GASK1B: variants seen among roughly 807,000 people sequenced by gnomAD.
GASK1B encodes the protein Golgi-associated kinase 1B.
A neutral mutation model predicts 42.8 loss-of-function variants in GASK1B; 34 were observed. The ratio of observed to expected loss-of-function variants is 0.79; its 90% CI spans 0.60 to 1.06. GASK1B has a LOEUF of 1.06. GASK1B is among the 50% of genes least tolerant of loss of function. The pLI is 0.00. For missense variants in GASK1B, 686 were observed against 661.0 expected, an observed-to-expected ratio of 1.04 and a Z score of -0.42; for synonymous variants, 262 against 259.1, an observed-to-expected ratio of 1.01 and a Z score of -0.11.
At position 158,171,313 on chromosome 4, in the gene GASK1B, C is replaced by T. The variant is rs769694090; in HGVS notation, c.63G>A (p.Pro21=). 4 of 1,612,678 alleles carry T rather than the reference C, an allele frequency of 2.5e-6. No individual in the cohort carries two copies. The highest frequency in any genetic ancestry group is 2.2e-5 in the South Asian group (2 of 90,884). ...GGCTGCTCCAGAGCTTACGCACCCG[C>T]GGGACGCACAGGGAGCAGATGAACC... ...INWFICSLCV[P]RVRKLWSSRR... is the part of the protein sequence containing the mutation. Residue 21 remains proline (P), a synonymous_variant, in exon 2 of 5, where the codon CCG becomes CCA. Coordinates refer to ENST00000585682, the MANE Select transcript of GASK1B (RefSeq NM_001128424.2).
intron 3 of GASK1B, among the ~76,000 whole-genome samples, chr4:158,136,049 T>C (rs999884807): frequency 6.6e-6 from 1 of 152,192 alleles, no homozygotes; most frequent in Non-Finnish European, 1.5e-5. Context: ...CAGGCAAAAT[T>C]ATTCTATCAA....
At chr4:158,139,785 C>T (rs1379720642) in intron 3 of GASK1B, among the ~76,000 whole-genome samples, 1 of 152,112 alleles carries the variant, frequency 6.6e-6, no homozygotes, top group African/African-American at 2.4e-5. Flanking sequence ...ATTGTTCTTT[C>T]AAGTTAAAAT....
chr4:158,158,030 A>AT (rs952736786), intron 2 of GASK1B, among the ~76,000 whole-genome samples: 55 of 152,026 alleles, frequency 3.6e-4, no homozygotes, highest in African/African-American at 1.2e-3. Flanking sequence ...TGCTTCTAGA[A>AT]TTTTTTTTAA....
chr4:158,171,423 G>A lies in GASK1B; in HGVS notation c.-48C>T. 6.6e-7 allele frequency: 1 copy of A among 1,508,814 alleles called. No homozygotes were observed. The highest frequency in any genetic ancestry group is 2.2e-5 in the Admixed American group (1 of 45,910). 93.5% of individuals were successfully genotyped at this position (1,508,814 alleles called of 1,614,324 possible). ...GAACGGAGTTTAAAGTCTGCAGTTG[G>A]CTCCTGCTAATGTGATGCATGGTTT... On this transcript the variant is annotated 5_prime_UTR_variant, in exon 2 of 5. Transcript: ENST00000585682.
Position 158,170,499 on chromosome 4 carries a change from GC to G in GASK1B, c.876del (p.Pro293ArgfsTer3). 1 of 1,614,246 alleles carries G rather than the reference GC, an allele frequency of 6.2e-7. No individual in the cohort carries two copies. Among genetic ancestry groups the G allele is most frequent in the Non-Finnish European group, 8.5e-7 (1 of 1,180,040 alleles). On this transcript the variant is annotated frameshift_variant, in exon 2 of 5. Transcript: ENST00000585682. LOFTEE classifies it high-confidence loss of function. Reference sequence around the variant, plus strand: ...AACTCTGCTTTCCTGCTCACAGACGGCAGGGTCCTGTTGAGCCCCAGGATCC... The same window carrying G: ...AACTCTGCTTTCCTGCTCACAGACGGAGGGTCCTGTTGAGCCCCAGGATCC... ...LDRILGLNRT[L>X]PSVSRKAEFI...
At chr4:158,154,710 C>T (rs975720960) in intron 3 of GASK1B, among the ~76,000 whole-genome samples, 1 of 152,030 alleles carries the variant, frequency 6.6e-6, no homozygotes, top group Admixed American at 6.6e-5. Flanking sequence ...TTTGCAGCAA[C>T]CTGGATAAAA....
At chr4:158,147,374 G>A (rs1004098627) in intron 3 of GASK1B, among the ~76,000 whole-genome samples, 3 of 152,072 alleles carry the variant, frequency 2.0e-5, no homozygotes, top group Non-Finnish European at 4.4e-5. Flanking sequence ...GACAAGGCAA[G>A]AACATCACTT....
intron 3 of GASK1B, among the ~76,000 whole-genome samples, chr4:158,144,629 C>T (rs1731262150): frequency 6.6e-6 from 1 of 152,060 alleles, no homozygotes; most frequent in African/African-American, 2.4e-5. Flanking sequence ...GTCTCAAAAA[C>T]AATAAAAAGC....
At chr4:158,160,689 T>C (rs1400907622) in intron 2 of GASK1B, among the ~76,000 whole-genome samples, 5 of 152,132 alleles carry the variant, frequency 3.3e-5, no homozygotes, top group Non-Finnish European at 7.4e-5. Context: ...AGCTAAGATA[T>C]GGAAGCAACC....
rs1352298033 is a variant in GASK1B, at chr4:158,126,108, T to G, written c.*1299A>C. The G allele has an allele frequency of 6.6e-6, 1 of 152,144 alleles. No homozygotes were observed. The highest frequency in any genetic ancestry group is 2.4e-5 in the African/African-American group (1 of 41,450). The allele number at this position is 152,144 out of a possible 1,614,324, so 9.4% of individuals were successfully genotyped here. A position where few individuals can be genotyped will look rare whatever the true frequency, so the allele number is the denominator to read the frequency against. On this transcript the variant is annotated 3_prime_UTR_variant, in exon 5 of 5. Coordinates refer to ENST00000585682, the MANE Select transcript of GASK1B (RefSeq NM_001128424.2). Reference sequence around the variant, plus strand: ...AATGAAAAGTCACAAATAGAACTTTTAAATAAGGAGTAGGATGTGTAAGGG... The same window carrying G: ...AATGAAAAGTCACAAATAGAACTTTGAAATAAGGAGTAGGATGTGTAAGGG...
intron 2 of GASK1B, 140 bp from the exon 3 acceptor site, chr4:158,155,965 T>C (rs535245668): frequency 2.9e-6 from 2 of 678,382 alleles, no homozygotes; most frequent in East Asian, 5.5e-5. Flanking sequence ...TTATGATCTC[T>C]TTGTCTTCTG....
chr4:158,170,520 G>A lies in GASK1B; in HGVS notation c.856C>T (p.Leu286=), dbSNP rs1169422225. Residue 286 remains leucine, a synonymous_variant, in exon 2 of 5, where the codon CTG becomes TTG. Coordinates refer to ENST00000585682, the MANE Select transcript of GASK1B (RefSeq NM_001128424.2). ...GACGGCAGGGTCCTGTTGAGCCCCA[G>A]GATCCTGTCTAGGTGGAAGGCAAAC... is the stretch of plus-strand genomic sequence containing the variant. The part of the protein sequence containing the change: ...EVFAFHLDRI[L]GLNRTLPSVS... The A allele has an allele frequency of 6.2e-7, 1 of 1,614,130 alleles. No individual in the cohort carries two copies. The highest frequency in any genetic ancestry group is 1.3e-5 in the African/African-American group (1 of 74,946).
chr4:158,130,993 G>T lies in GASK1B; in HGVS notation c.1145C>A (p.Thr382Lys). The T allele has an allele frequency of 1.2e-6, 2 of 1,613,316 alleles. No homozygotes were observed. Among genetic ancestry groups the T allele is most frequent in the East Asian group, 2.2e-5 (1 of 44,862 alleles). The change falls in exon 4 of 5, where the codon ACA (threonine) becomes AAA (lysine). Residue 382 changes from threonine to lysine, a missense_variant. Thr to Lys is a moderately conservative substitution (Grantham distance 78). Transcript: ENST00000585682. ...GCGAGGTCTGAATCCACAGCAATTT[G>T]TATCTAAGCGATTATAAATCTGTAA... ...FLLQIYNRLD[T>K]NCCGFRPRKE...
rs531887738 is a variant in GASK1B at position 158,132,899 on chromosome 4, T to A, written c.1126-1887A>T. 4.6e-5 allele frequency among the ~76,000 whole-genome samples: 7 copies of A among 152,320 alleles called. No individual in the cohort carries two copies. In the East Asian group the frequency reaches 1.4e-3, roughly 29 times the overall value. On this transcript the variant is annotated intron_variant, in intron 3 of 4. Coordinates refer to ENST00000585682, the MANE Select transcript of GASK1B (RefSeq NM_001128424.2). The stretch of plus-strand genomic sequence containing the variant: ...ACAGTAAGTTACCACTGCTTGTTAA[T>A]GTGCATTTGATTGACATGAGAATAA...
At chr4:158,138,536 A>G (rs1176918323) in intron 3 of GASK1B, among the ~76,000 whole-genome samples, 1 of 152,192 alleles carries the variant, frequency 6.6e-6, no homozygotes, top group Non-Finnish European at 1.5e-5. Context: ...GAAACAAGTA[A>G]AACATGTTCA....
rs531644444 is a variant in GASK1B, at chr4:158,137,717, T to TC, written c.1126-6706dup. ...TATACAAAGCAAAAGCCCACAGTAT[T>TC]CCCCCCTGCTCCACCCCCGCCAGCA... On this transcript the variant is annotated intron_variant, in intron 3 of 4. Coordinates refer to ENST00000585682, the MANE Select transcript of GASK1B (RefSeq NM_001128424.2). 3.4e-3 allele frequency among the ~76,000 whole-genome samples: 521 copies of TC among 151,712 alleles called. 3 individuals carry two copies. Among genetic ancestry groups the TC allele is most frequent in the Non-Finnish European group, 5.3e-3 (363 of 67,864 alleles).
Position 158,127,260 on chromosome 4 carries a change from T to C in GASK1B, c.*147A>G. On this transcript the variant is annotated 3_prime_UTR_variant, in exon 5 of 5. Transcript: ENST00000585682. ...AGTATGCATACAGTGCTAAGTCCCA[T>C]TATAGCTACTTGGTTAAAGTCATTT... The C allele has an allele frequency of 1.5e-6, 1 of 660,182 alleles. No individual in the cohort carries two copies. Among genetic ancestry groups the C allele is most frequent in the South Asian group, 1.9e-5 (1 of 53,684 alleles). 40.9% of individuals were successfully genotyped at this position (660,182 alleles called of 1,614,324 possible).
chr4:158,152,074 G>C (rs940199426), intron 3 of GASK1B, among the ~76,000 whole-genome samples: 5 of 152,168 alleles, frequency 3.3e-5, no homozygotes, highest in African/African-American at 9.7e-5. Context: ...TCAAATATCA[G>C]ATTCCAAGAT....
chr4:158,164,868 A>G (rs1240350795), intron 2 of GASK1B, among the ~76,000 whole-genome samples: 1 of 152,244 alleles, frequency 6.6e-6, no homozygotes, highest in Non-Finnish European at 1.5e-5. Flanking sequence ...CATAGGCTTG[A>G]AAAGAGAGTG....
Sources: allele counts gnomAD v4.1 joint callset (sites outside exome capture counted in the v4.1 genomes callset), GRCh38; gene constraint gnomAD v4.1.1; transcripts MANE v1.5; gene names NCBI Gene and HGNC (gene_info 2026-07-23, HGNC 2026-07-21).